The following PRSS12 variants were observed in gnomAD, a reference collection of about 807,000 sequenced individuals.
The protein encoded by PRSS12 is neurotrypsin.
Under a neutral mutation model 104.4 loss-of-function variants are expected in PRSS12, and 85 were observed. That is an observed-to-expected ratio of 0.81 (90% CI 0.68 to 0.98). The LOEUF is 0.98. Ranked by LOEUF, PRSS12 falls within the 50% of genes least tolerant of loss-of-function variation. The pLI, the probability that PRSS12 is intolerant of heterozygous loss-of-function variation, is 0.00. For synonymous variants in PRSS12, 454 were observed against 425.2 expected, an observed-to-expected ratio of 1.07 and a Z score of -0.83; for missense variants, 1,141 against 1,139.2, an observed-to-expected ratio of 1.00 and a Z score of -0.02.
chr4:118,285,678 A>T (rs1742997314), intron 11 of PRSS12, among the ~76,000 whole-genome samples: 1 of 152,202 alleles, frequency 6.6e-6, no homozygotes, highest in Admixed American at 6.5e-5. Context: ...AAAAACTAAA[A>T]TATTGTCCCT....
In PRSS12 at chr4:118,316,837, A is replaced by AAATATATATATATATATAT. The variant is rs35698159; in HGVS notation, c.1151-515_1151-514insATATATATATATATATATT. Among the ~76,000 whole-genome samples, 94 of 99,142 alleles carry AAATATATATATATATATAT rather than the reference A, an allele frequency of 9.5e-4. 1 individual carries two copies. The highest frequency in any genetic ancestry group is 1.4e-3 in the Non-Finnish European group (71 of 49,230). 65.0% of individuals were successfully genotyped at this position (99,142 alleles called of 152,430 possible). A position where few individuals can be genotyped will look rare whatever the true frequency, so the allele number is the denominator to read the frequency against. The stretch of plus-strand genomic sequence containing the variant: ...ACTCCGTCTCACGGAAAAAAAAAAA[A>AAATATATATATATATATAT]ATATATATATATATATATATCTTTC... On this transcript the variant is annotated intron_variant, in intron 5 of 12. Coordinates refer to ENST00000296498, the MANE Select transcript of PRSS12 (RefSeq NM_003619.4).
At chr4:118,321,863 T>C (rs543218954) in intron 4 of PRSS12, among the ~76,000 whole-genome samples, 1 of 152,268 alleles carries the variant, frequency 6.6e-6, no homozygotes, top group South Asian at 2.1e-4. Context: ...CAAAGAAATA[T>C]TTATGGAAGT....
At position 118,282,231 on chromosome 4, in the gene PRSS12, G is replaced by T. The variant is rs1004550866; in HGVS notation, c.2333C>A (p.Ser778Ter). 1 of 1,614,006 alleles carries T rather than the reference G, an allele frequency of 6.2e-7. No homozygotes were observed. The highest frequency in any genetic ancestry group is 1.3e-5 in the African/African-American group (1 of 74,936). The change falls in exon 13 of 13, where the codon TCA (serine) becomes TAA (stop). Residue 778 changes from serine to a stop codon, truncating the protein, a stop_gained. Coordinates refer to ENST00000296498, the MANE Select transcript of PRSS12 (RefSeq NM_003619.4). LOFTEE classifies it high-confidence loss of function. ...TGWGDTGRAY[S>*]RTLQQAAIPL... is the part of the protein sequence containing the mutation. Reference sequence around the variant, plus strand: ...AATGGCTGCTTGTTGTAGTGTTCTTGAATAGGCTCGTCCTACTCAGACCAA... The same window carrying T: ...AATGGCTGCTTGTTGTAGTGTTCTTTAATAGGCTCGTCCTACTCAGACCAA...
intron 1 of PRSS12, among the ~76,000 whole-genome samples, chr4:118,339,904 T>G (rs1724157076): frequency 6.6e-6 from 1 of 152,248 alleles, no homozygotes; most frequent in African/African-American, 2.4e-5. Flanking sequence ...TTATTTGAAC[T>G]GATATTTAAT....
intron 4 of PRSS12, among the ~76,000 whole-genome samples, chr4:118,326,795 G>A (rs188732489): frequency 1.6e-3 from 242 of 152,152 alleles, no homozygotes; most frequent in African/African-American, 5.6e-3. Flanking sequence ...ATCTCAGTGG[G>A]CCTAACTTCC....
rs373659463 is a variant in PRSS12 at position 118,313,283 on chromosome 4, C to T, written c.1407G>A (p.Gln469=). 3.5e-5 allele frequency: 56 copies of T among 1,614,010 alleles called. No homozygotes were observed. The highest frequency in any genetic ancestry group is 4.1e-5 in the Non-Finnish European group (48 of 1,180,028). The change falls in exon 7 of 13, where the codon CAG becomes CAA. Residue 469 remains glutamine, a synonymous_variant. Coordinates refer to ENST00000296498, the MANE Select transcript of PRSS12 (RefSeq NM_003619.4). The stretch of plus-strand genomic sequence containing the variant: ...GGTGGCTGCAGTCATGCCTTCCCCA[C>T]TGTCGCCTGGAACACTGAAGAAATC... The part of the protein sequence containing the change: ...ETRFLQCSRR[Q]WGRHDCSHRE...
At chr4:118,340,003 G>A (rs933922112) in intron 1 of PRSS12, among the ~76,000 whole-genome samples, 4 of 152,124 alleles carry the variant, frequency 2.6e-5, no homozygotes, top group African/African-American at 9.7e-5. Flanking sequence ...GAAAACAAAC[G>A]AAATGTGTAC....
At chr4:118,323,428 A>G (rs1248192591) in intron 4 of PRSS12, among the ~76,000 whole-genome samples, 1 of 151,986 alleles carries the variant, frequency 6.6e-6, no homozygotes, top group East Asian at 1.9e-4. Context: ...TAACAAAAAG[A>G]TGAAATCCAG....
chr4:118,321,334 A>C (rs1723613304), intron 4 of PRSS12, among the ~76,000 whole-genome samples: 1 of 152,236 alleles, frequency 6.6e-6, no homozygotes, highest in Non-Finnish European at 1.5e-5. Flanking sequence ...AGAGTGCACT[A>C]ATCATGTATA....
In PRSS12 at chr4:118,281,627, A is replaced by C. The variant is rs904590257; in HGVS notation, c.*309T>G. 2 of 401,122 alleles carry C rather than the reference A, an allele frequency of 5.0e-6. No homozygotes were observed. Among genetic ancestry groups the C allele is most frequent in the African/African-American group, 4.0e-5 (2 of 49,414 alleles). 24.8% of individuals were successfully genotyped at this position (401,122 alleles called of 1,614,324 possible). A position where few individuals can be genotyped will look rare whatever the true frequency, so the allele number is the denominator to read the frequency against. On this transcript the variant is annotated 3_prime_UTR_variant, in exon 13 of 13. Transcript: ENST00000296498. ...AAAGGGGTTCTCAGTTCAAATGTAA[A>C]AATGATCTTTTGTAAAATCAGCATA...
rs778454527 is a variant in PRSS12 at position 118,294,995 on chromosome 4, G to C, written c.1983C>G (p.Cys661Trp). The C allele has an allele frequency of 9.3e-6, 15 of 1,614,110 alleles. No homozygotes were observed. The South Asian group carries it at 1.1e-4, about 12-fold the overall frequency. ...AGCAGCTACTCAGGAGCGTAGCCCC[G>C]CAGAGGAGCCTGCCATCTCCATGGG... ...KSSHGDGRLLCGATLLSSCWV... is the reference protein window; with the variant it reads ...KSSHGDGRLLWGATLLSSCWV... Residue 661 changes from cysteine to tryptophan, a missense_variant, in exon 11 of 13, where the codon TGC becomes TGG. Transcript: ENST00000296498.
chr4:118,340,698 C>A (rs1161994756), intron 1 of PRSS12, among the ~76,000 whole-genome samples: 3 of 152,164 alleles, frequency 2.0e-5, no homozygotes, highest in Non-Finnish European at 2.9e-5. Context: ...AAGAGGCATA[C>A]TATTAGGATA....
intron 4 of PRSS12, among the ~76,000 whole-genome samples, chr4:118,323,497 G>C (rs757491443): frequency 3.3e-5 from 5 of 150,612 alleles, no homozygotes; most frequent in Non-Finnish European, 7.4e-5. Context: ...GGAGAAAGAA[G>C]CAAAAGGAAA....
chr4:118,338,193 A>G lies in PRSS12; in HGVS notation c.624T>C (p.Cys208=), dbSNP rs1724108400. ...ACACTCACCCCAGCTGCAGCTGGTG[A>G]CAAATGACTGATGCATCAGAATCAT... The part of the protein sequence containing the change: ...HWDDSDASVI[C]HQLQLGGKGI... Residue 208 remains cysteine (C), a synonymous_variant, in exon 2 of 13, where the codon TGT becomes TGC. Coordinates refer to ENST00000296498, the MANE Select transcript of PRSS12 (RefSeq NM_003619.4). 1 of 1,614,036 alleles carries G rather than the reference A, an allele frequency of 6.2e-7. No homozygotes were observed. Among genetic ancestry groups the G allele is most frequent in the East Asian group, 2.2e-5 (1 of 44,874 alleles).
chr4:118,313,812 C>T (rs934775015), intron 6 of PRSS12, among the ~76,000 whole-genome samples: 1 of 152,054 alleles, frequency 6.6e-6, no homozygotes, highest in Admixed American at 6.5e-5. Flanking sequence ...GGTCTTCTTT[C>T]AAAATAAAAA....
intron 11 of PRSS12, among the ~76,000 whole-genome samples, chr4:118,289,144 A>G (rs941505978): frequency 5.3e-5 from 8 of 152,192 alleles, no homozygotes; most frequent in African/African-American, 1.7e-4. Context: ...TCTCATCCTC[A>G]TCAGGCCACC....
intron 4 of PRSS12, among the ~76,000 whole-genome samples, chr4:118,331,361 A>T (rs1263556043): frequency 1.3e-5 from 2 of 152,232 alleles, no homozygotes. Context: ...ACTAGAAGTT[A>T]AATTTGAGTT....
chr4:118,338,284 T>G lies in PRSS12; in HGVS notation c.533A>C (p.Glu178Ala). The G allele has an allele frequency of 6.2e-7, 1 of 1,613,984 alleles. No homozygotes were observed. The highest frequency in any genetic ancestry group is 8.5e-7 in the Non-Finnish European group (1 of 1,179,926). Residue 178 changes from glutamate to alanine, a missense_variant, in exon 2 of 13, where the codon GAG (glutamate) becomes GCG (alanine). Glu to Ala is a moderately radical substitution (Grantham distance 107). Transcript: ENST00000296498. ...ATATACTTCCACTGTGCCTTCAAACTCATTTTTGCCGCCACGAAGTCGTAC... is the reference window on the plus strand; with the variant it reads ...ATATACTTCCACTGTGCCTTCAAACGCATTTTTGCCGCCACGAAGTCGTAC... Reference protein sequence around the residue: ...GSVRLRGGKNEFEGTVEVYAS... With the variant: ...GSVRLRGGKNAFEGTVEVYAS...
At chr4:118,337,694 C>T (rs1304999072) in intron 2 of PRSS12, among the ~76,000 whole-genome samples, 1 of 152,034 alleles carries the variant, frequency 6.6e-6, no homozygotes, top group Admixed American at 6.6e-5. Context: ...CCCTTTCACA[C>T]ACAAATGGAA....
Sources: allele counts gnomAD v4.1 joint callset (sites outside exome capture counted in the v4.1 genomes callset), GRCh38; gene constraint gnomAD v4.1.1; transcripts MANE v1.5; gene names NCBI Gene and HGNC (gene_info 2026-07-23, HGNC 2026-07-21).